The following SNX13 variants were observed in gnomAD, a reference collection of about 807,000 sequenced individuals.
SNX13 encodes the protein sorting nexin 13.
Under a neutral mutation model 133.6 loss-of-function variants are expected in SNX13, and 45 were observed. The observed-to-expected ratio is 0.34, with a 90% CI of 0.27 to 0.43. The LOEUF is 0.43. SNX13 is among the 20% of genes least tolerant of loss of function. SNX13 has a pLI of 1.00. For synonymous variants in SNX13, 414 were observed against 373.9 expected (o/e 1.11, Z -1.24); for missense variants, 1,032 against 1,145.1 (o/e 0.90, Z 1.43).
Position 17,913,817 on chromosome 7 carries a change from C to A in SNX13, c.13-16371G>T, listed in dbSNP as rs576098212. Among the ~76,000 whole-genome samples, 225 of 146,354 alleles carry A rather than the reference C, an allele frequency of 1.5e-3. 1 individual carries two copies. Among genetic ancestry groups the A allele is most frequent in the African/African-American group, 4.3e-3 (173 of 39,804 alleles). ...TCGGCTCCCTCAGATGAGAAGGAACCAGCACAAGAACTCCGACAATACAAA... is the reference window on the plus strand; with the variant it reads ...TCGGCTCCCTCAGATGAGAAGGAACAAGCACAAGAACTCCGACAATACAAA... On this transcript the variant is annotated intron_variant, in intron 1 of 25. Transcript: ENST00000428135.
intron 1 of SNX13, among the ~76,000 whole-genome samples, chr7:17,928,685 GC>G (rs2128044676): frequency 6.6e-6 from 1 of 152,296 alleles, no homozygotes; most frequent in South Asian, 2.1e-4. Context: ...AATCCTTGAT[GC>G]TTTTTAGGAA....
At chr7:17,837,976 T>G (rs952764483) in intron 13 of SNX13, among the ~76,000 whole-genome samples, 13 of 151,932 alleles carry the variant, frequency 8.6e-5, no homozygotes, top group African/African-American at 3.1e-4. Context: ...GCTTTTGGCC[T>G]CGTCAAAGAT....
rs548777346 is a variant in SNX13, at chr7:17,824,179, T to TA, written c.1705+1842dup. On this transcript the variant is annotated intron_variant, in intron 17 of 25. Coordinates refer to ENST00000428135, the MANE Select transcript of SNX13 (RefSeq NM_015132.5). ...CTATTTGCTAGTAATTCTTATTATG[T>TA]AAAAAAAAAATAGCACTAGAATGTA... Among the ~76,000 whole-genome samples the TA allele has an allele frequency of 2.9e-3, 431 of 149,260 alleles. 2 individuals carry two copies. The highest frequency in any genetic ancestry group is 6.9e-3 in the Middle Eastern group (2 of 288).
At chr7:17,853,203 T>C (rs1791448435) in intron 9 of SNX13, among the ~76,000 whole-genome samples, 1 of 152,090 alleles carries the variant, frequency 6.6e-6, no homozygotes, top group African/African-American at 2.4e-5. Context: ...TGCTTAAAAA[T>C]AGGAATGTAG....
intron 9 of SNX13, among the ~76,000 whole-genome samples, chr7:17,852,436 G>C (rs1288344031): frequency 6.6e-6 from 1 of 152,002 alleles, no homozygotes; most frequent in Non-Finnish European, 1.5e-5. Flanking sequence ...GATAAACTGT[G>C]TCAAGCATTT....
chr7:17,796,954 T>C lies in SNX13; in HGVS notation c.2514-15A>G. The C allele has an allele frequency of 1.3e-6, 2 of 1,521,656 alleles. No homozygotes were observed. The highest frequency in any genetic ancestry group is 1.8e-6 in the Non-Finnish European group (2 of 1,100,584). 94.3% of individuals were successfully genotyped at this position (1,521,656 alleles called of 1,614,324 possible). On this transcript the variant is annotated splice_polypyrimidine_tract_variant and intron_variant, in intron 24 of 25. Coordinates refer to ENST00000428135, the MANE Select transcript of SNX13 (RefSeq NM_015132.5). ...AAAATGCATCTCTATTTGAGAAGAT[T>C]AAATACATTTTGTAAACATTTTCAT...
intron 5 of SNX13, among the ~76,000 whole-genome samples, chr7:17,885,200 C>A (rs1474107434): frequency 6.6e-6 from 1 of 151,350 alleles, no homozygotes; most frequent in Admixed American, 6.6e-5. Context: ...CATGAATGAA[C>A]CTTGAAAACA....
Position 17,897,443 on chromosome 7 carries a change from T to G in SNX13, c.16A>C (p.Ser6Arg). The G allele has an allele frequency of 1.3e-5, 20 of 1,545,974 alleles. No homozygotes were observed. The highest frequency in any genetic ancestry group is 1.8e-5 in the Non-Finnish European group (20 of 1,139,592). MLTEA[S>R]LSIWGWGSLG... is the part of the protein sequence containing the mutation. ...CTTCCCCATCCCCATATGGATAGAC[T>G]GGCCTGAAATACAGAAAAAATATAA... is the stretch of plus-strand genomic sequence containing the variant. The change falls in exon 2 of 26, where the codon AGT becomes CGT. Residue 6 changes from serine to arginine, a missense_variant. Physicochemically the swap from Ser to Arg is moderately radical, Grantham distance 110. Transcript: ENST00000428135.
intron 11 of SNX13, among the ~76,000 whole-genome samples, chr7:17,846,852 C>A (rs766366838): frequency 6.6e-6 from 1 of 152,032 alleles, no homozygotes; most frequent in African/African-American, 2.4e-5. Flanking sequence ...TCCACAGATA[C>A]AGGATGGAAG....
intron 1 of SNX13, among the ~76,000 whole-genome samples, chr7:17,907,871 G>A (rs916799251): frequency 5.3e-5 from 8 of 152,222 alleles, no homozygotes; most frequent in African/African-American, 1.7e-4. Flanking sequence ...CCTTCTTATA[G>A]TCTTACTAGA....
rs117162640 is a variant in SNX13 at position 17,939,919 on chromosome 7, T to C, written c.12+365A>G. On this transcript the variant is annotated intron_variant, in intron 1 of 25. Transcript: ENST00000428135. ...GAGAAAGGAGACCTAGGGCAAACCA[T>C]AGGATCACAAGAACCAGCAGTAACG... Among the ~76,000 whole-genome samples the C allele has an allele frequency of 2.6e-4, 40 of 152,038 alleles. No homozygotes were observed. The East Asian group carries it at 6.6e-3, about 25-fold the overall frequency.
rs971028444 is a variant in SNX13 at position 17,791,010 on chromosome 7, G to A, written c.*3035C>T. 2 of 151,924 alleles carry A rather than the reference G, an allele frequency of 1.3e-5. No homozygotes were observed. Among genetic ancestry groups the A allele is most frequent in the African/African-American group, 4.8e-5 (2 of 41,400 alleles). The allele number at this position is 151,924 out of a possible 1,614,324, so 9.4% of individuals were successfully genotyped here. On this transcript the variant is annotated 3_prime_UTR_variant, in exon 26 of 26. Coordinates refer to ENST00000428135, the MANE Select transcript of SNX13 (RefSeq NM_015132.5). ...ATATTTTTTCCCTTGTAATACAGGA[G>A]CCATGCTCCTAAAAGCAAAATTTAC...
intron 18 of SNX13, 83 bp from the exon 19 acceptor site, chr7:17,816,372 C>A: frequency 1.4e-6 from 2 of 1,445,850 alleles, no homozygotes; most frequent in Non-Finnish European, 1.8e-6. Flanking sequence ...ATATTAAAAA[C>A]ATCTTCAGGC....
intron 20 of SNX13, among the ~76,000 whole-genome samples, chr7:17,809,249 G>T (rs563864895): frequency 9.9e-5 from 14 of 141,576 alleles, no homozygotes; most frequent in Admixed American, 6.5e-4. Flanking sequence ...CAAAATAAAG[G>T]GATGGAGGAA....
rs766143527 is a variant in SNX13, at chr7:17,803,588, GA to G, written c.2065-9del. The G allele has an allele frequency of 2.5e-6, 4 of 1,590,828 alleles. No homozygotes were observed. The South Asian group carries it at 3.5e-5, about 14-fold the overall frequency. On this transcript the variant is annotated splice_polypyrimidine_tract_variant and intron_variant, in intron 20 of 25. Transcript: ENST00000428135. ...ATTTACAAAAGTGTCCATCTAAAGGGAAAAAAGATATTATACCATGACTTTA... is the reference window on the plus strand; with the variant it reads ...ATTTACAAAAGTGTCCATCTAAAGGGAAAAAGATATTATACCATGACTTTA...
intron 5 of SNX13, among the ~76,000 whole-genome samples, chr7:17,878,072 T>C (rs1217167577): frequency 6.6e-6 from 1 of 152,122 alleles, no homozygotes; most frequent in African/African-American, 2.4e-5. Context: ...ATAAATGCAA[T>C]GTGAAAATGA....
chr7:17,939,247 T>C (rs1217860324), intron 1 of SNX13, among the ~76,000 whole-genome samples: 2 of 152,206 alleles, frequency 1.3e-5, no homozygotes, highest in African/African-American at 4.8e-5. Context: ...TAGGAATACT[T>C]CCCATTGCCC....
At chr7:17,808,240 C>G (rs944630087) in intron 20 of SNX13, among the ~76,000 whole-genome samples, 12 of 152,056 alleles carry the variant, frequency 7.9e-5, no homozygotes, top group Non-Finnish European at 7.4e-5. Context: ...CTACAATAAC[C>G]AATGTAGAGA....
At chr7:17,818,171 C>T (rs190010836) in intron 18 of SNX13, among the ~76,000 whole-genome samples, 1 of 152,086 alleles carries the variant, frequency 6.6e-6, no homozygotes, top group Non-Finnish European at 1.5e-5. Context: ...CTTGTCAATA[C>T]CTTGATCTTT....
Sources: allele counts gnomAD v4.1 joint callset (sites outside exome capture counted in the v4.1 genomes callset), GRCh38; gene constraint gnomAD v4.1.1; transcripts MANE v1.5; gene names NCBI Gene and HGNC (gene_info 2026-07-23, HGNC 2026-07-21).